The following GYG1 variants were observed in gnomAD, a reference collection of about 807,000 sequenced individuals.
The protein encoded by GYG1 is glycogenin 1, also known as glycogenin-1.
Under a neutral mutation model 41.9 loss-of-function variants are expected in GYG1, and 44 were observed. The observed-to-expected ratio is 1.05, with a 90% confidence interval of 0.83 to 1.35. The LOEUF is 1.35. GYG1 is among the 40% of genes most tolerant of loss of function. GYG1 has a pLI of 0.00. For missense variants in GYG1, 429 were observed against 418.9 expected, an observed-to-expected ratio of 1.02 and a Z score of -0.21; for synonymous variants, 141 against 158.1, an observed-to-expected ratio of 0.89 and a Z score of 0.81.
In GYG1 at chr3:148,991,584, G is replaced by A; in HGVS notation, c.-57G>A. On this transcript the variant is annotated 5_prime_UTR_variant, in exon 1 of 8. Transcript: ENST00000345003. ...CTGGCCGCGCTCCCTCCCGGTGCCG[G>A]CTTCTCTGAGTCACCAACCTGAGGC... is the stretch of plus-strand genomic sequence containing the variant. The A allele has an allele frequency of 1.3e-6, 2 of 1,545,462 alleles. No individual in the cohort carries two copies. The highest frequency in any genetic ancestry group is 1.2e-5 in the South Asian group (1 of 84,906).
At chr3:149,022,188 C>T (rs1416039234) in intron 5 of GYG1, among the ~76,000 whole-genome samples, 2 of 152,144 alleles carry the variant, frequency 1.3e-5, no homozygotes, top group Non-Finnish European at 1.5e-5. Context: ...GTTACATTCA[C>T]GTTTGGTTTT....
At chr3:148,997,869 C>T (rs1028967853) in intron 4 of GYG1, among the ~76,000 whole-genome samples, 3 of 152,166 alleles carry the variant, frequency 2.0e-5, no homozygotes, top group Non-Finnish European at 4.4e-5. Context: ...GGAGACACAG[C>T]GGGGACTTCT....
chr3:149,016,637 T>C (rs965362762), intron 5 of GYG1, among the ~76,000 whole-genome samples: 7 of 152,052 alleles, frequency 4.6e-5, no homozygotes, highest in Admixed American at 1.3e-4. Flanking sequence ...GGTGGGTGTC[T>C]GGTCAGTTGT....
In GYG1 at chr3:149,017,582, G is replaced by GTTTTTTTT. The variant is rs58075146; in HGVS notation, c.609-6448_609-6441dup. ...TTATTTATTTATTTCTTTTATTTAG[G>GTTTTTTTT]TTTTTTTTTTTTTTTTTTTTTTTTT... On this transcript the variant is annotated intron_variant, in intron 5 of 7. Coordinates refer to ENST00000345003, the MANE Select transcript of GYG1 (RefSeq NM_004130.4). Among the ~76,000 whole-genome samples, 22 of 47,380 alleles carry GTTTTTTTT rather than the reference G, an allele frequency of 4.6e-4. 7 individuals carry two copies. The highest frequency in any genetic ancestry group is 1.8e-3 in the East Asian group (2 of 1,126). The allele number at this position is 47,380 out of a possible 152,430, so 31.1% of individuals were successfully genotyped here.
Position 149,015,482 on chromosome 3 carries a change from G to C in GYG1, c.608+6080G>C, listed in dbSNP as rs565757526. Among the ~76,000 whole-genome samples, 32 of 152,294 alleles carry C rather than the reference G, an allele frequency of 2.1e-4. No homozygotes were observed. In the South Asian group the frequency reaches 6.2e-3, roughly 30 times the overall value. On this transcript the variant is annotated intron_variant, in intron 5 of 7. Coordinates refer to ENST00000345003, the MANE Select transcript of GYG1 (RefSeq NM_004130.4). ...GACAGCAAGGCAAGTGGGAACTCAGGGAAGTGTGGTATTGCAGAAGCCGAG... is the reference window on the plus strand; with the variant it reads ...GACAGCAAGGCAAGTGGGAACTCAGCGAAGTGTGGTATTGCAGAAGCCGAG...
At chr3:149,001,596 AG>A (rs1330415605) in intron 4 of GYG1, 2 of 152,350 alleles carry the variant, frequency 1.3e-5, no homozygotes, top group Admixed American at 1.3e-4. Context: ...CCTGTGAGGT[AG>A]GCATTCATAC....
At chr3:149,012,620 G>A (rs979638120) in intron 5 of GYG1, among the ~76,000 whole-genome samples, 1 of 151,960 alleles carries the variant, frequency 6.6e-6, no homozygotes, top group African/African-American at 2.4e-5. Flanking sequence ...CTTTCTCTCT[G>A]TATCATTTGG....
At chr3:148,996,279 T>G in intron 2 of GYG1, 23 bp from the exon 3 acceptor site, 1 of 1,565,132 alleles carries the variant, frequency 6.4e-7, no homozygotes, top group Non-Finnish European at 8.8e-7. Flanking sequence ...CTAAGTGTGG[T>G]ATTCTGGATT....
chr3:148,992,531 C>T (rs1712548171), intron 1 of GYG1: 1 of 152,274 alleles, frequency 6.6e-6, no homozygotes, highest in African/African-American at 2.4e-5. Flanking sequence ...TCATCCATAT[C>T]CTTGCTTCCA....
Position 149,009,399 on chromosome 3 carries a change from A to T in GYG1, c.605A>T (p.Lys202Ile). ...ISIYSYLPAF[K>I]VFGASAKVVH... The stretch of plus-strand genomic sequence containing the variant: ...ATATACTCCTACCTCCCGGCATTTA[A>T]AGTGTAAGTGCAGATGGTTTAACTA... Residue 202 changes from lysine (K) to isoleucine (I), a missense_variant, in exon 5 of 8, where the codon AAA (lysine) becomes ATA (isoleucine). Physicochemically the swap from Lys to Ile is moderately radical, Grantham distance 102. Coordinates refer to ENST00000345003, the MANE Select transcript of GYG1 (RefSeq NM_004130.4). 6.2e-7 allele frequency: 1 copy of T among 1,613,736 alleles called. No individual in the cohort carries two copies. The highest frequency in any genetic ancestry group is 8.5e-7 in the Non-Finnish European group (1 of 1,179,628).
In GYG1 at chr3:149,018,651, C is replaced by G. The variant is rs970310317; in HGVS notation, c.609-5402C>G. 2.6e-5 allele frequency among the ~76,000 whole-genome samples: 4 copies of G among 152,162 alleles called. No individual in the cohort carries two copies. In the South Asian group the frequency reaches 8.3e-4, roughly 32 times the overall value. On this transcript the variant is annotated intron_variant, in intron 5 of 7. Coordinates refer to ENST00000345003, the MANE Select transcript of GYG1 (RefSeq NM_004130.4). ...GGGCTCTTGGGCTGGTCTAAACCTT[C>G]CGTGTTCAGTGACTTATCCAGGCCT...
In GYG1 at chr3:149,030,854, T is replaced by C. The variant is rs909729281; in HGVS notation, c.*3921T>C. The C allele has an allele frequency of 2.0e-5, 3 of 152,178 alleles. No individual in the cohort carries two copies. The highest frequency in any genetic ancestry group is 2.9e-5 in the Non-Finnish European group (2 of 68,036). 9.4% of individuals were successfully genotyped at this position (152,178 alleles called of 1,614,324 possible). A position where few individuals can be genotyped will look rare whatever the true frequency, so the allele number is the denominator to read the frequency against. On this transcript the variant is annotated 3_prime_UTR_variant, in exon 8 of 8. Coordinates refer to ENST00000345003, the MANE Select transcript of GYG1 (RefSeq NM_004130.4). ...AACGGCACAGGGAGAAAAGGACTTA[T>C]CTGGTGAGAGATTTGGCATATACCT...
intron 5 of GYG1, among the ~76,000 whole-genome samples, 164 bp downstream of exon 5, chr3:149,009,566 T>C (rs1307238865): frequency 6.6e-6 from 1 of 152,206 alleles, no homozygotes; most frequent in Non-Finnish European, 1.5e-5. Context: ...GAGGCCTTGA[T>C]GTTATCGGTT....
In GYG1 at chr3:149,010,487, C is replaced by T. The variant is rs145204422; in HGVS notation, c.608+1085C>T. On this transcript the variant is annotated intron_variant, in intron 5 of 7. Transcript: ENST00000345003. ...GATTACAGGCACGTGCCACTACACA[C>T]GGCTAATTTTTGTATTTTTAGTGGA... is the stretch of plus-strand genomic sequence containing the variant. Among the ~76,000 whole-genome samples the T allele has an allele frequency of 7.1e-3, 1,087 of 152,172 alleles. 14 individuals are homozygous for T. Among genetic ancestry groups the T allele is most frequent in the African/African-American group, 0.023 (975 of 41,520 alleles).
At chr3:148,992,206 CCCG>C (rs1712527406) in intron 1 of GYG1, among the ~76,000 whole-genome samples, 3 of 152,266 alleles carry the variant, frequency 2.0e-5, no homozygotes, top group Non-Finnish European at 2.9e-5. Flanking sequence ...GACTAGCGTC[CCCG>C]GGCGCGAGCC....
chr3:148,997,009 T>C (rs779734680), intron 4 of GYG1, 105 bp downstream of exon 4: 81 of 870,744 alleles, frequency 9.3e-5, no homozygotes, highest in South Asian at 8.6e-4. Flanking sequence ...CTGGAAGATA[T>C]AAGAGATGGA....
chr3:148,999,823 A>G (rs1272617584), intron 4 of GYG1, among the ~76,000 whole-genome samples: 2 of 152,136 alleles, frequency 1.3e-5, no homozygotes, highest in African/African-American at 4.8e-5. Context: ...AGTTACCCAC[A>G]TTTTCTCACA....
chr3:149,000,159 A>G (rs1713012429), intron 4 of GYG1, among the ~76,000 whole-genome samples: 1 of 152,222 alleles, frequency 6.6e-6, no homozygotes, highest in African/African-American at 2.4e-5. Flanking sequence ...TAATCCTAAT[A>G]TGGCAAACCA....
At chr3:149,011,877 G>T (rs1713751771) in intron 5 of GYG1, among the ~76,000 whole-genome samples, 1 of 152,194 alleles carries the variant, frequency 6.6e-6, no homozygotes, top group Non-Finnish European at 1.5e-5. Context: ...ATTTCAGCTG[G>T]CCCAGGGCCG....
Sources: gnomAD v4.1 joint callset for allele counts (sites outside exome capture counted in the v4.1 genomes callset) on GRCh38, gnomAD v4.1.1 for gene constraint, MANE v1.5 for transcripts, NCBI Gene and HGNC (gene_info 2026-07-23, HGNC 2026-07-21) for gene names.